EPHB4: variants seen among roughly 807,000 people sequenced by gnomAD.
EPHB4 encodes EPH receptor B4.
A neutral mutation model predicts 110.6 loss-of-function variants in EPHB4; 50 were observed. The ratio of observed to expected loss-of-function variants is 0.45; its 90% CI spans 0.36 to 0.57. The LOEUF is 0.57. Ranked by LOEUF, EPHB4 falls within the 20% of genes least tolerant of loss-of-function variation. The pLI, the probability that EPHB4 is intolerant of heterozygous loss-of-function variation, is 0.00. For synonymous variants in EPHB4, 592 were observed against 578.4 expected (o/e 1.02, Z -0.34); for missense variants, 1,128 against 1,382.1 (o/e 0.82, Z 2.91).
chr7:100,806,985 C>T (rs1403701740), intron 13 of EPHB4, among the ~76,000 whole-genome samples: 2 of 152,072 alleles, frequency 1.3e-5, no homozygotes, highest in African/African-American at 2.4e-5. Flanking sequence ...TCTTTTGAGA[C>T]AGGGTCTTGC....
intron 7 of EPHB4, 28 bp from the exon 8 acceptor site, chr7:100,817,385 G>A (rs376117291): frequency 1.9e-5 from 29 of 1,522,984 alleles, no homozygotes; most frequent in Middle Eastern, 2.3e-4. Flanking sequence ...TGGGGTGGCC[G>A]TCACCCGGGA....
intron 9 of EPHB4, 24 bp from the exon 10 acceptor site, chr7:100,813,740 A>T: frequency 6.2e-7 from 1 of 1,614,170 alleles, no homozygotes; most frequent in South Asian, 1.1e-5. Flanking sequence ...GAAAGGAACA[A>T]AAGGTAAACT....
chr7:100,815,822 A>G (rs138355604), intron 8 of EPHB4, among the ~76,000 whole-genome samples: 135 of 152,266 alleles, frequency 8.9e-4, no homozygotes, highest in African/African-American at 3.0e-3. Context: ...CTGTCTCAAC[A>G]AAACATAAAA....
In EPHB4 at chr7:100,823,781, A is replaced by G. The variant is rs761107018; in HGVS notation, c.274T>C (p.Phe92Leu). Residue 92 changes from phenylalanine (F) to leucine (L), a missense_variant, in exon 3 of 17, where the codon TTC becomes CTC. By Grantham distance (22) the Phe-to-Leu change is conservative. Coordinates refer to ENST00000358173, the MANE Select transcript of EPHB4 (RefSeq NM_004444.5). ...GAVHVYATLR[F>L]TMLECLSLPR... Reference sequence around the variant, plus strand: ...AGGGACAGGCACTCGAGCATGGTGAAGCGCAGCGTGGCGTACACGTGGACG... The same window carrying G: ...AGGGACAGGCACTCGAGCATGGTGAGGCGCAGCGTGGCGTACACGTGGACG... 6.2e-7 allele frequency: 1 copy of G among 1,613,554 alleles called. No homozygotes were observed. The highest frequency in any genetic ancestry group is 8.5e-7 in the Non-Finnish European group (1 of 1,179,946).
Position 100,822,754 on chromosome 7 carries a change from G to C in EPHB4, c.412-87C>G, listed in dbSNP as rs372498672. 7.0e-7 allele frequency: 1 copy of C among 1,430,586 alleles called. No homozygotes were observed. Among genetic ancestry groups the C allele is most frequent in the Non-Finnish European group, 9.1e-7 (1 of 1,093,128 alleles). 88.6% of individuals were successfully genotyped at this position (1,430,586 alleles called of 1,614,324 possible). A position where few individuals can be genotyped will look rare whatever the true frequency, so the allele number is the denominator to read the frequency against. On this transcript the variant is annotated intron_variant, in intron 3 of 16. Coordinates refer to ENST00000358173, the MANE Select transcript of EPHB4 (RefSeq NM_004444.5). The surrounding 1 kb of genome is among the most constrained non-coding windows in gnomAD (Gnocchi z 4.7). ...TGTGTTCTTCCCAGCTCACCCTCCC[G>C]GACCTCCTTGGTTCCCGTTCCAGAA...
At position 100,827,487 on chromosome 7, in the gene EPHB4, G is replaced by GGGCCGGGCCGGGCA. The variant is rs1562976914; in HGVS notation, c.-471_-458dup. ...GGGAGACTGCGGCGCGGAGCCGGGC[G>GGGCCGGGCCGGGCA]GGCCGGGCCGGGCAGGGGCTGAGCT... On this transcript the variant is annotated 5_prime_UTR_variant, in exon 1 of 17. Transcript: ENST00000358173. 6.6e-6 allele frequency: 1 copy of GGGCCGGGCCGGGCA among 151,424 alleles called. No individual in the cohort carries two copies. The highest frequency in any genetic ancestry group is 2.0e-4 in the East Asian group (1 of 5,102). 9.4% of individuals were successfully genotyped at this position (151,424 alleles called of 1,614,324 possible). A position where few individuals can be genotyped will look rare whatever the true frequency, so the allele number is the denominator to read the frequency against.
At chr7:100,815,423 A>G (rs1813044891) in intron 8 of EPHB4, among the ~76,000 whole-genome samples, 1 of 152,216 alleles carries the variant, frequency 6.6e-6, no homozygotes, top group African/African-American at 2.4e-5. Flanking sequence ...CAGTCACAAA[A>G]GACCACACTG....
intron 6 of EPHB4, among the ~76,000 whole-genome samples, chr7:100,819,117 ATTTAT>A (rs1286291169): frequency 6.6e-6 from 1 of 150,896 alleles, no homozygotes; most frequent in Admixed American, 6.6e-5. Flanking sequence ...TTTCTTATTC[ATTTAT>A]TTTGAGAGAG....
intron 12 of EPHB4, among the ~76,000 whole-genome samples, chr7:100,809,513 C>T (rs1812884393): frequency 6.6e-6 from 1 of 152,090 alleles, no homozygotes; most frequent in Admixed American, 6.5e-5. Flanking sequence ...TTCACCTGTG[C>T]TGGTCTTCCC....
chr7:100,811,338 C>T (rs1322744919), intron 12 of EPHB4, among the ~76,000 whole-genome samples: 1 of 151,404 alleles, frequency 6.6e-6, no homozygotes, highest in Non-Finnish European at 1.5e-5. Context: ...AAGCAGTTCT[C>T]TTTCCTCTCT....
At position 100,805,258 on chromosome 7, in the gene EPHB4, C is replaced by T; in HGVS notation, c.2742G>A (p.Glu914=). 1.2e-6 allele frequency: 2 copies of T among 1,613,738 alleles called. No individual in the cohort carries two copies. The highest frequency in any genetic ancestry group is 1.7e-6 in the Non-Finnish European group (2 of 1,179,896). ...TTCCCATTTTGATGGCCCGAAGCCA[C>T]TCGCCCACAGAGCCAAAAGCTGAGT... ...PHYSAFGSVG[E]WLRAIKMGRY... is the part of the protein sequence containing the mutation. The change falls in exon 16 of 17, where the codon GAG becomes GAA. Residue 914 remains glutamate (E), a synonymous_variant. Coordinates refer to ENST00000358173, the MANE Select transcript of EPHB4 (RefSeq NM_004444.5).
rs267601190 is a variant in EPHB4 at position 100,806,555 on chromosome 7, G to C, written c.2349C>G (p.Pro783=). The C allele has an allele frequency of 2.5e-6, 4 of 1,613,760 alleles. No individual in the cohort carries two copies. The East Asian group carries it at 8.9e-5, about 36-fold the overall frequency. The change falls in exon 14 of 17, where the codon CCC becomes CCG. Residue 783 remains proline, a synonymous_variant. Transcript: ENST00000358173. ...TYTSSLGGKI[P]IRWTAPEAIA... The stretch of plus-strand genomic sequence containing the variant: ...TGGCCTCCGGGGCAGTCCATCGGAT[G>C]GGAATCTTTCCTCCCTGCAGAAAAA...
Position 100,827,059 on chromosome 7 carries a change from A to G in EPHB4, c.-29T>C. 1 of 1,565,228 alleles carries G rather than the reference A, an allele frequency of 6.4e-7. No individual in the cohort carries two copies. Among genetic ancestry groups the G allele is most frequent in the Middle Eastern group, 1.7e-4 (1 of 5,956 alleles). On this transcript the variant is annotated 5_prime_UTR_variant, in exon 1 of 17. Coordinates refer to ENST00000358173, the MANE Select transcript of EPHB4 (RefSeq NM_004444.5). The stretch of plus-strand genomic sequence containing the variant: ...GCCGCCTCACTCGGGTAGGATCCGA[A>G]CTGAGTTTGGGGGGCCCTCGCCCCC...
intron 7 of EPHB4, 117 bp downstream of exon 7, chr7:100,818,403 G>A (rs1188325519): frequency 2.7e-6 from 4 of 1,496,800 alleles, no homozygotes; most frequent in Admixed American, 3.9e-5. Context: ...AGGCTGCCCA[G>A]GGAATCCATG....
Position 100,819,781 on chromosome 7 carries a change from G to A in EPHB4, c.1073C>T (p.Ala358Val). ...ESGGREDLTY[A>V]LRCRECRPGG... ...GGGTCGGCACTCCCGGCAGCGGAGG[G>A]CGTAGGTGAGGTCCTCTCGGCCACC... Residue 358 changes from alanine (A) to valine (V), a missense_variant, in exon 6 of 17, where the codon GCC becomes GTC. Physicochemically the swap from Ala to Val is moderately conservative, Grantham distance 64. Transcript: ENST00000358173. 6.3e-7 allele frequency: 1 copy of A among 1,583,040 alleles called. No individual in the cohort carries two copies.
chr7:100,817,403 T>C (rs1813104440), intron 7 of EPHB4, 46 bp from the exon 8 acceptor site: 3 of 1,495,878 alleles, frequency 2.0e-6, no homozygotes, highest in Admixed American at 2.4e-5. Flanking sequence ...GGAACCCAAG[T>C]TCCTGTTGCT....
intron 4 of EPHB4, among the ~76,000 whole-genome samples, chr7:100,821,457 A>G (rs367658774): frequency 1.0e-4 from 15 of 150,698 alleles, no homozygotes; most frequent in East Asian, 8.4e-4. Flanking sequence ...GTGAAACTCC[A>G]TCTCTACTAA....
intron 2 of EPHB4, 36 bp from the exon 3 acceptor site, chr7:100,823,967 A>C: frequency 6.5e-7 from 1 of 1,543,400 alleles, no homozygotes. Flanking sequence ...GGGGCTGGGG[A>C]GCCGCCAGGG....
chr7:100,813,849 T>C (rs1256218936), intron 9 of EPHB4, 70 bp downstream of exon 9: 6 of 1,606,872 alleles, frequency 3.7e-6, no homozygotes, highest in East Asian at 2.2e-5. Flanking sequence ...GAAAGGCTTG[T>C]CCTGTAGCAC....
Sources: allele counts gnomAD v4.1 joint callset (sites outside exome capture counted in the v4.1 genomes callset), GRCh38; gene constraint gnomAD v4.1.1; non-coding constraint Gnocchi (gnomAD v3.1); transcripts MANE v1.5; gene names NCBI Gene and HGNC (gene_info 2026-07-23, HGNC 2026-07-21).